The following SUSD1 variants were observed in gnomAD, a reference collection of about 807,000 sequenced individuals.
The protein encoded by SUSD1 is sushi domain-containing protein 1.
A neutral mutation model predicts 86.9 loss-of-function variants in SUSD1; 65 were observed. That is an observed-to-expected ratio of 0.75 (90% CI 0.61 to 0.92). The LOEUF (loss-of-function observed/expected upper bound fraction) is 0.92. Among genes scored for constraint, SUSD1 ranks in the 40% least tolerant of loss-of-function variants. The pLI, the probability that SUSD1 is intolerant of heterozygous loss-of-function variation, is 0.00. For missense variants in SUSD1, 850 were observed against 929.7 expected, an observed-to-expected ratio of 0.91 and a Z score of 1.11; for synonymous variants, 346 against 350.0, an observed-to-expected ratio of 0.99 and a Z score of 0.13.
intron 8 of SUSD1, among the ~76,000 whole-genome samples, chr9:112,108,197 A>G (rs1448636164): frequency 6.6e-6 from 1 of 152,232 alleles, no homozygotes; most frequent in African/African-American, 2.4e-5. Flanking sequence ...ACACATATTA[A>G]AACACTCATA....
chr9:112,109,981 C>T (rs1178746020), intron 8 of SUSD1, among the ~76,000 whole-genome samples: 1 of 152,138 alleles, frequency 6.6e-6, no homozygotes. Flanking sequence ...CTATTCCCAG[C>T]TACTCGGGTT....
chr9:112,116,602 T>C (rs4978475), intron 6 of SUSD1, among the ~76,000 whole-genome samples: 99,026 of 152,118 alleles, frequency 0.65, 32,901 homozygotes, highest in African/African-American at 0.77. Context: ...GACGATGTTA[T>C]CTGCTGACTA....
intron 13 of SUSD1, among the ~76,000 whole-genome samples, chr9:112,062,370 C>T (rs16916627): frequency 0.083 from 12,649 of 152,154 alleles, 873 homozygotes; most frequent in East Asian, 0.3. Flanking sequence ...AGCTAAACTG[C>T]CCAAATGCTT....
intron 2 of SUSD1, among the ~76,000 whole-genome samples, chr9:112,151,073 G>A (rs1259248890): frequency 2.6e-5 from 4 of 152,200 alleles, no homozygotes; most frequent in Non-Finnish European, 5.9e-5. Context: ...GCTAGGAGCA[G>A]CTAGCACTAC....
intron 1 of SUSD1, among the ~76,000 whole-genome samples, chr9:112,165,818 AAGAAAGAAAGAAAG>A (rs1232347491): frequency 1.1e-4 from 13 of 123,470 alleles, no homozygotes; most frequent in East Asian, 5.4e-4. Flanking sequence ...GAGAGAGAAA[AAGAAAGAAAGAAAG>A]AGAAAGAAAG....
chr9:112,081,924 T>G (rs1169733908), intron 10 of SUSD1, among the ~76,000 whole-genome samples: 2 of 152,232 alleles, frequency 1.3e-5, no homozygotes, highest in Non-Finnish European at 2.9e-5. Context: ...CTTTGTTAAC[T>G]TGAAATCTTA....
Position 112,173,769 on chromosome 9 carries a change from C to G in SUSD1, c.103+1364G>C, listed in dbSNP as rs150440533. 35 of 334,740 alleles carry G rather than the reference C, an allele frequency of 1.0e-4. No individual in the cohort carries two copies. In the East Asian group the frequency reaches 2.6e-3, roughly 25 times the overall value. 20.7% of individuals were successfully genotyped at this position (334,740 alleles called of 1,614,324 possible). A position where few individuals can be genotyped will look rare whatever the true frequency, so the allele number is the denominator to read the frequency against. ...GGTTTATGAGGGCAAGGCCTCAGCACGTGCACTCATGGCCTTGGCACTGTC... is the reference window on the plus strand; with the variant it reads ...GGTTTATGAGGGCAAGGCCTCAGCAGGTGCACTCATGGCCTTGGCACTGTC... On this transcript the variant is annotated intron_variant, in intron 1 of 16. Coordinates refer to ENST00000374270, the MANE Select transcript of SUSD1 (RefSeq NM_022486.5).
intron 6 of SUSD1, among the ~76,000 whole-genome samples, chr9:112,120,126 A>T (rs1319710682): frequency 3.3e-5 from 5 of 152,140 alleles, no homozygotes; most frequent in Non-Finnish European, 7.4e-5. Context: ...ACATAGTGAG[A>T]CACCCGTCTC....
chr9:112,147,640 G>C (rs1042145886), intron 3 of SUSD1, among the ~76,000 whole-genome samples: 1 of 151,974 alleles, frequency 6.6e-6, no homozygotes, highest in Non-Finnish European at 1.5e-5. Flanking sequence ...GTGGCAGTGC[G>C]CACCTGTAGT....
rs1015579802 is a variant in SUSD1, at chr9:112,113,514, T to C, written c.887-646A>G. 1.3e-5 allele frequency among the ~76,000 whole-genome samples: 2 copies of C among 152,230 alleles called. No homozygotes were observed. Among genetic ancestry groups the C allele is most frequent in the African/African-American group, 4.8e-5 (2 of 41,462 alleles). On this transcript the variant is annotated intron_variant, in intron 6 of 16. Coordinates refer to ENST00000374270, the MANE Select transcript of SUSD1 (RefSeq NM_022486.5). This position sits in a 1 kb window ranked among gnomAD's most constrained non-coding sequence, Gnocchi z 4.1. ...ATATTCCAGCTAATGAATTCAGCAA[T>C]GTGGGAAACCATATGAAGGCCTTGG...
chr9:112,089,667 C>T (rs1330338828), intron 10 of SUSD1, among the ~76,000 whole-genome samples: 1 of 151,912 alleles, frequency 6.6e-6, no homozygotes, highest in South Asian at 2.1e-4. Flanking sequence ...CAAAAATTAG[C>T]TGGGCGTGGT....
intron 8 of SUSD1, among the ~76,000 whole-genome samples, chr9:112,102,696 G>C (rs1830680281): frequency 6.6e-6 from 1 of 152,140 alleles, no homozygotes; most frequent in South Asian, 2.1e-4. Context: ...CTGAGAATAA[G>C]GAAAACGGCA....
At position 112,041,904 on chromosome 9, in the gene SUSD1, CA is replaced by C; in HGVS notation, c.2205del (p.Val736Ter). On this transcript the variant is annotated frameshift_variant, in exon 16 of 17. Transcript: ENST00000374270. LOFTEE classifies it high-confidence loss of function. ...MAGVGLGSLA[V>X]VIILTFLSFS... Reference sequence around the variant, plus strand: ...AAGGAGAGGAATGTGAGAATGATCACAACAGCCAGGGAACCCAGTCCAACAC... The same window carrying C: ...AAGGAGAGGAATGTGAGAATGATCACACAGCCAGGGAACCCAGTCCAACAC... 1.2e-6 allele frequency: 2 copies of C among 1,613,994 alleles called. No homozygotes were observed. The highest frequency in any genetic ancestry group is 1.7e-6 in the Non-Finnish European group (2 of 1,179,930).
chr9:112,095,461 G>T (rs539384938), intron 10 of SUSD1, among the ~76,000 whole-genome samples: 1 of 152,284 alleles, frequency 6.6e-6, no homozygotes, highest in African/African-American at 2.4e-5. Context: ...AAGAAGCACC[G>T]ACCATTTAAG....
intron 1 of SUSD1, among the ~76,000 whole-genome samples, chr9:112,167,470 G>C (rs992486196): frequency 7.9e-5 from 12 of 152,170 alleles, no homozygotes; most frequent in Admixed American, 7.9e-4. Flanking sequence ...TATAAATGCT[G>C]TATGAAGTGT....
At chr9:112,174,532 G>T (rs1489277542) in intron 1 of SUSD1, among the ~76,000 whole-genome samples, 1 of 152,210 alleles carries the variant, frequency 6.6e-6, no homozygotes, top group Non-Finnish European at 1.5e-5. Flanking sequence ...TGAGCTCCAC[G>T]AGGGCCCGCA....
In SUSD1 at chr9:112,086,520, AAG is replaced by A. The variant is rs142342623; in HGVS notation, c.1475-6357_1475-6356del. 9.5e-3 allele frequency among the ~76,000 whole-genome samples: 1,405 copies of A among 147,644 alleles called. 54 individuals are homozygous for A. The East Asian group carries it at 0.1, about 11-fold the overall frequency. On this transcript the variant is annotated intron_variant, in intron 10 of 16. Transcript: ENST00000374270. Reference sequence around the variant, plus strand: ...TAACTATGAAAAAAAGAAAGAAAGAAAGAGAGAGAGAGAGAAAAAAAGAAAGA... The same window carrying A: ...TAACTATGAAAAAAAGAAAGAAAGAAAGAGAGAGAGAGAAAAAAAGAAAGA...
chr9:112,154,335 C>CAAAA (rs887833151), intron 2 of SUSD1, among the ~76,000 whole-genome samples: 35 of 70,352 alleles, frequency 5.0e-4, no homozygotes, highest in East Asian at 1.2e-3. Context: ...CACACACACA[C>CAAAA]AAAAAAAAAA....
At chr9:112,124,481 C>G in intron 5 of SUSD1, 45 bp from the exon 6 acceptor site, 1 of 1,549,576 alleles carries the variant, frequency 6.5e-7, no homozygotes, top group Non-Finnish European at 8.7e-7. Context: ...CCCTGACTTC[C>G]AGCCCTACAA....
Sources: gnomAD v4.1 joint callset for allele counts (sites outside exome capture counted in the v4.1 genomes callset) on GRCh38, gnomAD v4.1.1 for gene constraint, Gnocchi (gnomAD v3.1) non-coding constraint, MANE v1.5 for transcripts, NCBI Gene and HGNC (gene_info 2026-07-23, HGNC 2026-07-21) for gene names.